Variants in PCK2 observed in about 807,000 individuals in gnomAD.
PCK2 encodes phosphoenolpyruvate carboxykinase 2, mitochondrial, also known as phosphoenolpyruvate carboxykinase [GTP], mitochondrial.
A neutral mutation model predicts 65.9 loss-of-function variants in PCK2; 56 were observed. The ratio of observed to expected loss-of-function variants is 0.85; its 90% CI spans 0.69 to 1.06. The LOEUF is 1.06. PCK2 is among the 50% of genes least tolerant of loss of function. The pLI, the probability that PCK2 is intolerant of heterozygous loss-of-function variation, is 0.00. For synonymous variants in PCK2, 305 were observed against 319.6 expected (o/e 0.95, Z 0.49); for missense variants, 843 against 863.1 (o/e 0.98, Z 0.29).
chr14:24,098,299 T>C lies in PCK2; in HGVS notation c.372T>C (p.Pro124=), dbSNP rs2229661. Residue 124 remains proline, a synonymous_variant, in exon 3 of 10, where the codon CCT becomes CCC. Coordinates refer to ENST00000216780, the MANE Select transcript of PCK2 (RefSeq NM_004563.4). The part of the protein sequence containing the change: ...PSQRDTVPLP[P]GGARGQLGNW... ...AGCGGGACACGGTACCACTCCCGCC[T>C]GGTGGGGCCCGTGGGCAGCTGGGCA... 0.013 allele frequency: 21,600 copies of C among 1,614,018 alleles called. 1,216 individuals are homozygous for C. The East Asian group carries it at 0.2, about 15-fold the overall frequency.
At chr14:24,095,600 G>A (rs1390263527) in intron 1 of PCK2, among the ~76,000 whole-genome samples, 5 of 152,206 alleles carry the variant, frequency 3.3e-5, no homozygotes, top group Non-Finnish European at 7.4e-5. Flanking sequence ...GTGGCCTCTA[G>A]GAAGAAGAGC....
intron 1 of PCK2, among the ~76,000 whole-genome samples, chr14:24,096,418 T>C (rs139247911): frequency 6.6e-6 from 1 of 152,066 alleles, no homozygotes. Flanking sequence ...TTTATATTTT[T>C]AGTAGATGGG....
rs568191064 is a variant in PCK2 at position 24,097,652 on chromosome 14, AT to A, written c.275+518del. On this transcript the variant is annotated intron_variant, in intron 2 of 9. Coordinates refer to ENST00000216780, the MANE Select transcript of PCK2 (RefSeq NM_004563.4). Reference sequence around the variant, plus strand: ...ACCCAGGCTGGAGTGCAGTGGCATGATTTCAGCTCACAACAACCTCTGCCTC... The same window carrying A: ...ACCCAGGCTGGAGTGCAGTGGCATGATTCAGCTCACAACAACCTCTGCCTC... 2.2e-3 allele frequency among the ~76,000 whole-genome samples: 324 copies of A among 148,734 alleles called. 1 individual carries two copies. The highest frequency in any genetic ancestry group is 7.7e-3 in the African/African-American group (313 of 40,418).
Position 24,099,058 on chromosome 14 carries a change from T to G in PCK2, c.674T>G (p.Val225Gly). 1 of 1,600,716 alleles carries G rather than the reference T, an allele frequency of 6.2e-7. No individual in the cohort carries two copies. Among genetic ancestry groups the G allele is most frequent in the South Asian group, 1.1e-5 (1 of 90,846 alleles). ...GQPLTGQGEP[V>G]SQWPCNPEKT... ...ACCCCATTGTCCCCAGGGGAGCCAG[T>G]GAGCCAGTGGCCGTGCAACCCAGAG... The change falls in exon 5 of 10, where the codon GTG becomes GGG. Residue 225 changes from valine to glycine, a missense_variant. Coordinates refer to ENST00000216780, the MANE Select transcript of PCK2 (RefSeq NM_004563.4).
intron 7 of PCK2, among the ~76,000 whole-genome samples, chr14:24,100,716 G>T (rs1864118029): frequency 6.6e-6 from 1 of 152,232 alleles, no homozygotes; most frequent in East Asian, 1.9e-4. Flanking sequence ...CTGCCACTTG[G>T]CTCCCACTGT....
At chr14:24,096,414 T>G (rs1180640752) in intron 1 of PCK2, among the ~76,000 whole-genome samples, 1 of 152,008 alleles carries the variant, frequency 6.6e-6, no homozygotes, top group Admixed American at 6.6e-5. Flanking sequence ...AATTTTTATA[T>G]TTTTAGTAGA....
intron 5 of PCK2, 121 bp from the exon 6 acceptor site, chr14:24,099,437 A>T (rs1189628535): frequency 1.3e-5 from 14 of 1,067,934 alleles, no homozygotes; most frequent in Non-Finnish European, 6.7e-6. Context: ...TGGCAGGGCA[A>T]TCACTTATAT....
chr14:24,103,561 A>G lies in PCK2; in HGVS notation c.1520A>G (p.Asn507Ser), dbSNP rs2037255100. ...GCCATGCGGCCCTTTTTTGGCTACA[A>G]CTTCGGGCACTACCTGGAACACTGG... is the stretch of plus-strand genomic sequence containing the variant. Reference protein sequence around the residue: ...PFAMRPFFGYNFGHYLEHWLS... With the variant: ...PFAMRPFFGYSFGHYLEHWLS... The change falls in exon 10 of 10, where the codon AAC becomes AGC. Residue 507 changes from asparagine (N) to serine (S), a missense_variant. Asn to Ser is a conservative substitution (Grantham distance 46). Coordinates refer to ENST00000216780, the MANE Select transcript of PCK2 (RefSeq NM_004563.4). 1 of 1,577,044 alleles carries G rather than the reference A, an allele frequency of 6.3e-7. No homozygotes were observed. Among genetic ancestry groups the G allele is most frequent in the South Asian group, 1.2e-5 (1 of 85,622 alleles).
In PCK2 at chr14:24,104,097, C is replaced by A; in HGVS notation, c.*133C>A. 1 of 643,800 alleles carries A rather than the reference C, an allele frequency of 1.6e-6. No individual in the cohort carries two copies. Among genetic ancestry groups the A allele is most frequent in the Non-Finnish European group, 2.8e-6 (1 of 361,448 alleles). 39.9% of individuals were successfully genotyped at this position (643,800 alleles called of 1,614,324 possible). On this transcript the variant is annotated 3_prime_UTR_variant, in exon 10 of 10. Transcript: ENST00000216780. ...CCATAGACCTTCCCACAAAGACTGT[C>A]CAATAATAAGAGATGCTTATCTATT...
At chr14:24,102,651 CAAAAA>C in intron 7 of PCK2, 97 bp from the exon 8 acceptor site, 3 of 881,904 alleles carry the variant, frequency 3.4e-6, no homozygotes, top group Non-Finnish European at 5.1e-6. Context: ...GCTGATGAGG[CAAAAA>C]AAAAAAAAGA....
Position 24,099,062 on chromosome 14 carries a change from C to A in PCK2, c.678C>A (p.Ser226Arg), listed in dbSNP as rs769221475. 1 of 1,602,350 alleles carries A rather than the reference C, an allele frequency of 6.2e-7. No homozygotes were observed. The highest frequency in any genetic ancestry group is 8.5e-7 in the Non-Finnish European group (1 of 1,171,284). ...QPLTGQGEPV[S>R]QWPCNPEKTL... The stretch of plus-strand genomic sequence containing the variant: ...CATTGTCCCCAGGGGAGCCAGTGAG[C>A]CAGTGGCCGTGCAACCCAGAGAAAA... Residue 226 changes from serine (S) to arginine (R), a missense_variant, in exon 5 of 10, where the codon AGC becomes AGA. Ser to Arg is a moderately radical substitution (Grantham distance 110, BLOSUM62 -1). Coordinates refer to ENST00000216780, the MANE Select transcript of PCK2 (RefSeq NM_004563.4).
chr14:24,098,458 G>C lies in PCK2; in HGVS notation c.461-17G>C, dbSNP rs1245022822. On this transcript the variant is annotated splice_polypyrimidine_tract_variant and intron_variant, in intron 3 of 9. Coordinates refer to ENST00000216780, the MANE Select transcript of PCK2 (RefSeq NM_004563.4). ...CAGGTTTGGAACCCTTCATCCAGGG[G>C]ATGCCTTCCTCCACAGGCCGCACCA... 6.2e-7 allele frequency: 1 copy of C among 1,613,790 alleles called. No individual in the cohort carries two copies. Among genetic ancestry groups the C allele is most frequent in the South Asian group, 1.1e-5 (1 of 91,000 alleles).
intron 1 of PCK2, chr14:24,095,045 G>C (rs1280282747): frequency 4.5e-6 from 2 of 449,318 alleles, no homozygotes; most frequent in East Asian, 1.4e-4. Flanking sequence ...TACATAGCTG[G>C]CTTCTTCCTC....
chr14:24,096,228 CTTTTTTTTTTTTTTTTT>C (rs34592767), intron 1 of PCK2, among the ~76,000 whole-genome samples: 3 of 58,878 alleles, frequency 5.1e-5, no homozygotes, highest in East Asian at 1.3e-3. Flanking sequence ...CTACTCATTT[CTTTTTTTTTTTTTTTTT>C]TTTTTTTTTT....
chr14:24,099,639 G>A lies in PCK2; in HGVS notation c.934G>A (p.Ala312Thr), dbSNP rs1001660592. The change falls in exon 6 of 10, where the codon GCT becomes ACT. Residue 312 changes from alanine to threonine, a missense_variant. Ala to Thr is a moderately conservative substitution (Grantham distance 58). Transcript: ENST00000216780. ...FPSACGKTNL[A>T]MMRPALPGWK... ...TAGTGCCTGTGGCAAGACCAACCTG[G>A]CTATGATGCGGCCTGCACTGCCAGG... 1 of 1,614,086 alleles carries A rather than the reference G, an allele frequency of 6.2e-7. No individual in the cohort carries two copies. The highest frequency in any genetic ancestry group is 1.1e-5 in the South Asian group (1 of 91,062).
chr14:24,099,647 G>A lies in PCK2; in HGVS notation c.942G>A (p.Met314Ile). The change falls in exon 6 of 10, where the codon ATG becomes ATA. Residue 314 changes from methionine to isoleucine, a missense_variant. Physicochemically the swap from Met to Ile is conservative, Grantham distance 10. Transcript: ENST00000216780. ...GTGGCAAGACCAACCTGGCTATGAT[G>A]CGGCCTGCACTGCCAGGCTGGAAAG... ...SACGKTNLAM[M>I]RPALPGWKVE... 1 of 1,613,696 alleles carries A rather than the reference G, an allele frequency of 6.2e-7. No individual in the cohort carries two copies. Among genetic ancestry groups the A allele is most frequent in the Non-Finnish European group, 8.5e-7 (1 of 1,179,638 alleles).
chr14:24,095,463 A>C (rs2036826814), intron 1 of PCK2: 1 of 338,664 alleles, frequency 3.0e-6, no homozygotes, highest in Non-Finnish European at 5.9e-6. Flanking sequence ...CTTCTACCCC[A>C]GACAGACTCA....
At chr14:24,099,349 G>A (rs1010805678) in intron 5 of PCK2, 113 bp downstream of exon 5, 17 of 1,140,830 alleles carry the variant, frequency 1.5e-5, no homozygotes, top group African/African-American at 3.1e-5. Flanking sequence ...GGTGGGCGGG[G>A]ACTCTACTTG....
rs1399490541 is a variant in PCK2 at position 24,098,639 on chromosome 14, A to G, written c.625A>G (p.Lys209Glu). Residue 209 changes from lysine (K) to glutamate (E), a missense_variant, in exon 4 of 10, where the codon AAG becomes GAG. Physicochemically the swap from Lys to Glu is moderately conservative, Grantham distance 56. Transcript: ENST00000216780. Reference protein sequence around the residue: ...LQALGDGDFVKCLHSVGQPLT... With the variant: ...LQALGDGDFVECLHSVGQPLT... ...GGCCCTGGGAGATGGTGACTTTGTC[A>G]AGTGTCTGCACTCCGTGGGCCAGCC... is the stretch of plus-strand genomic sequence containing the variant. 43 of 1,613,846 alleles carry G rather than the reference A, an allele frequency of 2.7e-5. No homozygotes were observed. Among genetic ancestry groups the G allele is most frequent in the Non-Finnish European group, 3.4e-5 (40 of 1,180,016 alleles).
Sources: allele counts gnomAD v4.1 joint callset (sites outside exome capture counted in the v4.1 genomes callset), GRCh38; gene constraint gnomAD v4.1.1; transcripts MANE v1.5; gene names NCBI Gene and HGNC (gene_info 2026-07-23, HGNC 2026-07-21).